Variants in FAM187A observed in about 807,000 individuals in gnomAD.
FAM187A encodes family with sequence similarity 187 member A.
Under a neutral mutation model 6.4 loss-of-function variants are expected in FAM187A, and 4 were observed. The observed-to-expected ratio is 0.63, with a 90% CI of 0.31 to 1.44. The LOEUF is 1.44. Ranked by LOEUF, FAM187A falls within the 40% of genes most tolerant of loss-of-function variation. FAM187A has a pLI of 0.07. For missense variants in FAM187A, 463 were observed against 542.2 expected, an observed-to-expected ratio of 0.85 and a Z score of 1.45; for synonymous variants, 221 against 213.4, an observed-to-expected ratio of 1.04 and a Z score of -0.31.
chr17:44,904,752 A>G (rs2051625974), exon 4 of FAM187A: 2 of 1,550,474 alleles, frequency 1.3e-6, no homozygotes, highest in African/African-American at 1.4e-5. Context: ...CAGCACCTCT[A>G]CCGCACACAG....
exon 4 of FAM187A, chr17:44,904,660 C>T (rs1290466478): frequency 1.9e-6 from 3 of 1,550,438 alleles, no homozygotes; most frequent in Admixed American, 3.9e-5. Flanking sequence ...TTCAGTTCCA[C>T]CAGCAGAGAC....
chr17:44,903,827 G>A, exon 4 of FAM187A: 1 of 1,549,078 alleles, frequency 6.5e-7, no homozygotes, highest in Non-Finnish European at 8.7e-7. Context: ...GCCTCCTTCA[G>A]GTATGCACCT....
exon 4 of FAM187A, chr17:44,904,038 A>G: frequency 6.4e-7 from 1 of 1,550,598 alleles, no homozygotes; most frequent in Non-Finnish European, 8.7e-7. Context: ...TACCAAAAGC[A>G]CCTAGGTAGC....
chr17:44,903,853 G>A, exon 4 of FAM187A: 1 of 1,540,920 alleles, frequency 6.5e-7, no homozygotes, highest in Non-Finnish European at 8.8e-7. Context: ...TCACCACTGT[G>A]CTCCTGTGGG....
At chr17:44,904,120 C>T (rs1247184466) in exon 4 of FAM187A, 55 of 1,550,436 alleles carry the variant, frequency 3.5e-5, no homozygotes, top group East Asian at 7.3e-5. Context: ...GTGTGGGCAG[C>T]GACATGCTGA....
exon 4 of FAM187A, chr17:44,903,452 C>T: frequency 3.2e-6 from 4 of 1,252,734 alleles, no homozygotes; most frequent in Non-Finnish European, 4.0e-6. Context: ...ACCAGGCTGG[C>T]AGGGCAGGGC....
At chr17:44,904,243 G>T in exon 4 of FAM187A, 2 of 1,550,534 alleles carry the variant, frequency 1.3e-6, no homozygotes, top group East Asian at 4.9e-5. Context: ...CCTACGATGT[G>T]GACATCCAGA....
chr17:44,904,246 C>T (rs2051613405), exon 4 of FAM187A: 3 of 1,550,446 alleles, frequency 1.9e-6, no homozygotes, highest in African/African-American at 2.7e-5. Context: ...ACGATGTGGA[C>T]ATCCAGAACA....
At chr17:44,903,608 C>T (rs1362740301) in exon 4 of FAM187A, 8 of 1,405,004 alleles carry the variant, frequency 5.7e-6, no homozygotes, top group Non-Finnish European at 7.4e-6. Context: ...TCCCCCCCCA[C>T]CCTGAGATCA....
At chr17:44,903,475 G>A in exon 4 of FAM187A, 1 of 1,271,520 alleles carries the variant, frequency 7.9e-7, no homozygotes, top group Non-Finnish European at 9.9e-7. Context: ...GGAGCACTGA[G>A]GCAGAGATCT....
rs764267260 is a variant in FAM187A, at chr17:44,904,848, G to C, written c.1019G>C (p.Arg340Pro). ...ATCCGCTTCACCCAGCTGGATGACC[G>C]GGGCATCTACTATTGCTGGAGGCAG... Residue 340 changes from arginine (R) to proline (P), a missense_variant, in exon 4 of 4, where the codon CGG (arginine) becomes CCG (proline). By Grantham distance (103) the Arg-to-Pro change is moderately radical. Transcript: ENST00000331733. 67 of 1,550,622 alleles carry C rather than the reference G, an allele frequency of 4.3e-5. 1 individual carries two copies. The South Asian group carries it at 7.9e-4, about 18-fold the overall frequency.
exon 4 of FAM187A, chr17:44,903,661 T>C: frequency 1.2e-5 from 17 of 1,433,904 alleles, no homozygotes; most frequent in Non-Finnish European, 1.5e-5. Context: ...CCACTGGGAA[T>C]AAATTGCCTT....
At chr17:44,903,693 A>G in exon 4 of FAM187A, 3 of 1,438,026 alleles carry the variant, frequency 2.1e-6, no homozygotes, top group Non-Finnish European at 2.7e-6. Context: ...CTTCCTCTGC[A>G]GATTGTTGCT....
exon 4 of FAM187A, chr17:44,904,378 G>A (rs1251088864): frequency 1.9e-6 from 3 of 1,543,080 alleles, no homozygotes; most frequent in Middle Eastern, 1.7e-4. Context: ...GCTGCGGAGT[G>A]CGTGGGGAGC....
At chr17:44,904,743 A>G in exon 4 of FAM187A, 1 of 1,550,594 alleles carries the variant, frequency 6.4e-7, no homozygotes, top group Non-Finnish European at 8.7e-7. Flanking sequence ...AAAGACCGCC[A>G]GCACCTCTAC....
chr17:44,903,920 C>T (rs1268355141), exon 4 of FAM187A: 2 of 1,550,562 alleles, frequency 1.3e-6, no homozygotes, highest in Admixed American at 2.0e-5. Context: ...TCAGAGGACC[C>T]CCTGCCCTGC....
At position 44,904,849 on chromosome 17, in the gene FAM187A, G is replaced by A. The variant is rs748067282; in HGVS notation, c.1020G>A (p.Arg340=). ...TCCGCTTCACCCAGCTGGATGACCG[G>A]GGCATCTACTATTGCTGGAGGCAGG... Residue 340 remains arginine (R), a synonymous_variant, in exon 4 of 4, where the codon CGG becomes CGA. Coordinates refer to ENST00000331733, the Ensembl canonical transcript of FAM187A. 8 of 1,550,608 alleles carry A rather than the reference G, an allele frequency of 5.2e-6. No individual in the cohort carries two copies. Among genetic ancestry groups the A allele is most frequent in the Admixed American group, 2.0e-5 (1 of 50,998 alleles).
At chr17:44,903,710 C>T in exon 4 of FAM187A, 7 of 1,440,186 alleles carry the variant, frequency 4.9e-6, no homozygotes, top group Non-Finnish European at 6.4e-6. Context: ...TGCTGCTTTT[C>T]CTGGCTGCAT....
rs1264015031 is a variant in FAM187A, at chr17:44,903,592, T to G, written c.-238T>G. On this transcript the variant is annotated 5_prime_UTR_variant, in exon 4 of 4. It removes an upstream start codon present in the reference 5' UTR. Transcript: ENST00000331733. ...GGGGAGTAAAGGCCAGGTTCTAGAA[T>G]GGCTTTCCCCCCCCACCCTGAGATC... 24 of 1,404,378 alleles carry G rather than the reference T, an allele frequency of 1.7e-5. No individual in the cohort carries two copies. The highest frequency in any genetic ancestry group is 2.2e-5 in the Non-Finnish European group (24 of 1,086,414). The allele number at this position is 1,404,378 out of a possible 1,614,324, so 87.0% of individuals were successfully genotyped here. A position where few individuals can be genotyped will look rare whatever the true frequency, so the allele number is the denominator to read the frequency against.
Sources: gnomAD v4.1 joint callset for allele counts on GRCh38, gnomAD v4.1.1 for gene constraint, MANE v1.5 for transcripts, NCBI Gene and HGNC (gene_info 2026-07-23, HGNC 2026-07-21) for gene names.